MTG2: variants seen among roughly 807,000 people sequenced by gnomAD.
MTG2 encodes the protein mitochondrial ribosome associated GTPase 2.
Under a neutral mutation model 28.6 loss-of-function variants are expected in MTG2, and 23 were observed. The observed-to-expected ratio is 0.80, with a 90% confidence interval of 0.58 to 1.14. The LOEUF (loss-of-function observed/expected upper bound fraction) is 1.14, where lower values mean the gene tolerates loss of function less well. Ranked by LOEUF, MTG2 falls within the 50% of genes most tolerant of loss-of-function variation. The pLI, the probability that MTG2 is intolerant of heterozygous loss-of-function variation, is 0.00. For missense variants in MTG2, 539 were observed against 552.0 expected, an observed-to-expected ratio of 0.98 and a Z score of 0.24; for synonymous variants, 260 against 251.8, an observed-to-expected ratio of 1.03 and a Z score of -0.31.
At chr20:62,198,598 G>T (rs1182704815) in intron 4 of MTG2, 36 bp from the exon 5 acceptor site, 2 of 1,603,154 alleles carry the variant, frequency 1.2e-6, no homozygotes, top group East Asian at 4.5e-5. Context: ...CTCACTGCTG[G>T]TAGAGCTCAG....
chr20:62,183,746 G>A (rs2057774492), intron 1 of MTG2, among the ~76,000 whole-genome samples: 1 of 152,218 alleles, frequency 6.6e-6, no homozygotes, highest in Non-Finnish European at 1.5e-5. Flanking sequence ...GTAAAGGGGA[G>A]GACCCATTAT....
At chr20:62,187,566 C>T (rs2057872917) in intron 1 of MTG2, among the ~76,000 whole-genome samples, 1 of 152,136 alleles carries the variant, frequency 6.6e-6, no homozygotes, top group African/African-American at 2.4e-5. Flanking sequence ...TAATAAGTTG[C>T]CTTTTTCAAG....
At chr20:62,192,138 G>A (rs936718694) in intron 1 of MTG2, among the ~76,000 whole-genome samples, 11 of 152,334 alleles carry the variant, frequency 7.2e-5, no homozygotes, top group African/African-American at 2.4e-4. Context: ...GGACCCCAGC[G>A]TTAGGGGCTC....
In MTG2 at chr20:62,197,937, C is replaced by T. The variant is rs747701172; in HGVS notation, c.438C>T (p.Phe146=). The part of the protein sequence containing the change: ...SGEDGGSKNC[F]GRSGAVLYIR... Reference sequence around the variant, plus strand: ...AAGATGGAGGGAGTAAAAACTGCTTCGGGCGCAGTGGCGCCGTCCTCTACA... The same window carrying T: ...AAGATGGAGGGAGTAAAAACTGCTTTGGGCGCAGTGGCGCCGTCCTCTACA... The change falls in exon 4 of 7, where the codon TTC becomes TTT. Residue 146 remains phenylalanine (F), a synonymous_variant. Transcript: ENST00000370823. 1.2e-5 allele frequency: 19 copies of T among 1,614,054 alleles called. No homozygotes were observed. The highest frequency in any genetic ancestry group is 1.3e-5 in the Non-Finnish European group (15 of 1,180,024).
At chr20:62,199,510 G>A (rs112208672) in intron 6 of MTG2, among the ~76,000 whole-genome samples, 8 of 151,634 alleles carry the variant, frequency 5.3e-5, no homozygotes, top group Non-Finnish European at 1.2e-4. Flanking sequence ...GCTGGGTGTG[G>A]TGGCGGGCAC....
intron 2 of MTG2, chr20:62,194,169 C>T (rs1403526709): frequency 6.6e-6 from 1 of 151,938 alleles, no homozygotes; most frequent in African/African-American, 2.4e-5. Context: ...GTTCTTTAAG[C>T]CTTATAAGTT....
chr20:62,197,893 TACC>T lies in MTG2; in HGVS notation c.396_398del (p.Tyr132_Gln133delinsTer). The T allele has an allele frequency of 6.2e-7, 1 of 1,614,216 alleles. No homozygotes were observed. The stretch of plus-strand genomic sequence containing the variant: ...GTCCCTGTCGTCGGTCCTGTCGCGG[TACC>T]AGGGTTTCAGTGGAGAAGATGGAGG... On this transcript the variant is annotated stop_gained and inframe_deletion, in exon 4 of 7. Coordinates refer to ENST00000370823, the MANE Select transcript of MTG2 (RefSeq NM_015666.4). LOFTEE classifies it high-confidence loss of function.
At chr20:62,194,194 T>C (rs1259104104) in intron 2 of MTG2, 1 of 152,262 alleles carries the variant, frequency 6.6e-6, no homozygotes, top group African/African-American at 2.4e-5. Context: ...TTGTTCTATT[T>C]ACCAAAACCT....
chr20:62,196,431 G>A (rs1156347787), intron 3 of MTG2, among the ~76,000 whole-genome samples: 2 of 152,052 alleles, frequency 1.3e-5, no homozygotes, highest in Non-Finnish European at 2.9e-5. Context: ...CCAGAACTTT[G>A]GGAGACCGAG....
rs532198011 is a variant in MTG2 at position 62,201,090 on chromosome 20, G to A, written c.*13G>A. 11 of 1,576,698 alleles carry A rather than the reference G, an allele frequency of 7.0e-6. No individual in the cohort carries two copies. Among genetic ancestry groups the A allele is most frequent in the African/African-American group, 6.7e-5 (5 of 74,262 alleles). The stretch of plus-strand genomic sequence containing the variant: ...GCTCAGGTGGTAGCCACGCCAGAGC[G>A]GGGTCGCCTCTGGGCCTCTGTCTGA... On this transcript the variant is annotated 3_prime_UTR_variant, in exon 7 of 7. Transcript: ENST00000370823.
Position 62,200,846 on chromosome 20 carries a change from G to C in MTG2, c.990G>C (p.Met330Ile). ...ACGATTTAAAATATGAACTGGAGAT[G>C]TATGAAAAGGGCCTGTCTGCGAGGC... ...QVDDLKYELE[M>I]YEKGLSARPH... The change falls in exon 7 of 7, where the codon ATG becomes ATC. Residue 330 changes from methionine to isoleucine, a missense_variant. Physicochemically the swap from Met to Ile is conservative, Grantham distance 10. Transcript: ENST00000370823. The C allele has an allele frequency of 1.9e-6, 3 of 1,614,000 alleles. No homozygotes were observed. The highest frequency in any genetic ancestry group is 2.5e-6 in the Non-Finnish European group (3 of 1,180,036).
rs2058167222 is a variant in MTG2, at chr20:62,201,348, G to A, written c.*271G>A. On this transcript the variant is annotated 3_prime_UTR_variant, in exon 7 of 7. Coordinates refer to ENST00000370823, the MANE Select transcript of MTG2 (RefSeq NM_015666.4). ...GTGCTGATTAACACCCCTAATAAGG[G>A]GTTGGGGTGCCCATAACGGGGTGGC... 1 of 487,674 alleles carries A rather than the reference G, an allele frequency of 2.1e-6. No homozygotes were observed. The highest frequency in any genetic ancestry group is 3.6e-5 in the East Asian group (1 of 28,092). 30.2% of individuals were successfully genotyped at this position (487,674 alleles called of 1,614,324 possible). A position where few individuals can be genotyped will look rare whatever the true frequency, so the allele number is the denominator to read the frequency against.
rs978622731 is a variant in MTG2, at chr20:62,196,705, C to A, written c.352+756C>A. ...AACAAAACAAACAAACAAAAAAAAC[C>A]CTGATGTATGGATATCATTTTTATA... On this transcript the variant is annotated intron_variant, in intron 3 of 6. Transcript: ENST00000370823. 2.0e-5 allele frequency among the ~76,000 whole-genome samples: 3 copies of A among 151,664 alleles called. No individual in the cohort carries two copies. The East Asian group carries it at 5.8e-4, about 29-fold the overall frequency.
chr20:62,184,680 T>C (rs1287217533), intron 1 of MTG2, among the ~76,000 whole-genome samples: 3 of 152,168 alleles, frequency 2.0e-5, no homozygotes, highest in Non-Finnish European at 4.4e-5. Context: ...CCAGTAGGTT[T>C]TCCTATGGGG....
At chr20:62,200,120 A>G (rs1481985777) in intron 6 of MTG2, 1 of 152,322 alleles carries the variant, frequency 6.6e-6, no homozygotes, top group Admixed American at 6.5e-5. Context: ...AGCCGAGGAC[A>G]GTATTTCTTC....
Position 62,200,674 on chromosome 20 carries a change from TCCCTGCAGTGGCCGACATC to T in MTG2, c.827-5_840del, listed in dbSNP as rs2058151250. The T allele has an allele frequency of 6.3e-7, 1 of 1,598,104 alleles. No individual in the cohort carries two copies. Among genetic ancestry groups the T allele is most frequent in the Non-Finnish European group, 8.5e-7 (1 of 1,172,626 alleles). Reference sequence around the variant, plus strand: ...GTGGTCACCTCGTGTGCCCCTGTCTTCCCTGCAGTGGCCGACATCCCCGGCATCATACGAGGCGCCCACC... The same window carrying T: ...GTGGTCACCTCGTGTGCCCCTGTCTTCCCGGCATCATACGAGGCGCCCACC... On this transcript the variant is annotated splice_acceptor_variant and splice_polypyrimidine_tract_variant and coding_sequence_variant and intron_variant, in exon 7 of 7. Coordinates refer to ENST00000370823, the MANE Select transcript of MTG2 (RefSeq NM_015666.4). LOFTEE classifies it high-confidence loss of function.
Position 62,197,828 on chromosome 20 carries a change from CT to C in MTG2, c.353-23del, listed in dbSNP as rs1568789622. ...CCATGGTTGTCGTAACACAAAGGGACTGAGATTCTTGTTCTTGCTTTAGTTG... is the reference window on the plus strand; with the variant it reads ...CCATGGTTGTCGTAACACAAAGGGACGAGATTCTTGTTCTTGCTTTAGTTG... On this transcript the variant is annotated intron_variant, in intron 3 of 6. Transcript: ENST00000370823. 3 of 1,605,382 alleles carry C rather than the reference CT, an allele frequency of 1.9e-6. No homozygotes were observed. The Admixed American group carries it at 5.0e-5, about 27-fold the overall frequency.
chr20:62,192,183 G>T (rs1164716256), intron 1 of MTG2, among the ~76,000 whole-genome samples: 2 of 152,246 alleles, frequency 1.3e-5, no homozygotes, highest in Non-Finnish European at 2.9e-5. Context: ...ATTGCAAGTA[G>T]TGGGTCCCTG....
chr20:62,200,568 G>T (rs2058147965), intron 6 of MTG2, 115 bp from the exon 7 acceptor site: 1 of 1,308,158 alleles, frequency 7.6e-7, no homozygotes, highest in African/African-American at 1.5e-5. Context: ...TAGAACTCAG[G>T]AAATCCGCCT....
Sources: allele counts gnomAD v4.1 joint callset (sites outside exome capture counted in the v4.1 genomes callset), GRCh38; gene constraint gnomAD v4.1.1; transcripts MANE v1.5; gene names NCBI Gene and HGNC (gene_info 2026-07-23, HGNC 2026-07-21).